PPP3CA: variants seen among roughly 807,000 people sequenced by gnomAD.
The protein encoded by PPP3CA is protein phosphatase 3 catalytic subunit alpha, also known as CAM-PRP catalytic subunit.
PPP3CA carries 14 observed loss-of-function variants against 66.5 expected under a neutral mutation model. The observed-to-expected ratio is 0.21, with a 90% CI of 0.14 to 0.33. The LOEUF is 0.33. Among genes scored for constraint, PPP3CA ranks in the 10% least tolerant of loss-of-function variants. PPP3CA has a pLI of 1.00. For missense variants in PPP3CA, 317 were observed against 639.5 expected, an observed-to-expected ratio of 0.50 and a Z score of 5.44; for synonymous variants, 232 against 226.2, an observed-to-expected ratio of 1.03 and a Z score of -0.23.
Position 101,024,063 on chromosome 4 carries a change from C to G in PPP3CA, c.*1802G>C, listed in dbSNP as rs960875034. 6.6e-6 allele frequency: 1 copy of G among 152,210 alleles called. No individual in the cohort carries two copies. Among genetic ancestry groups the G allele is most frequent in the Admixed American group, 6.5e-5 (1 of 15,282 alleles). The allele number at this position is 152,210 out of a possible 1,614,324, so 9.4% of individuals were successfully genotyped here. ...TTATTTTTCAATAAAAAGGAATGCT[C>G]TGGTTTTTTAACTGGCTCCTTGAGG... On this transcript the variant is annotated 3_prime_UTR_variant, in exon 14 of 14. Transcript: ENST00000394854.
At chr4:101,026,452 C>G (rs1726655122) in intron 13 of PPP3CA, among the ~76,000 whole-genome samples, 1 of 152,206 alleles carries the variant, frequency 6.6e-6, no homozygotes, top group Non-Finnish European at 1.5e-5. Context: ...AGACAGGCTG[C>G]AGCATGTCCC....
intron 2 of PPP3CA, among the ~76,000 whole-genome samples, chr4:101,120,317 A>G (rs1042507660): frequency 1.3e-5 from 2 of 152,124 alleles, no homozygotes; most frequent in Non-Finnish European, 2.9e-5. Context: ...CTGGGATAAT[A>G]ACAAAAATAA....
chr4:101,182,964 T>C (rs533413964), intron 2 of PPP3CA, among the ~76,000 whole-genome samples: 2 of 152,308 alleles, frequency 1.3e-5, no homozygotes, highest in East Asian at 3.9e-4. Context: ...TTCCCATCCA[T>C]GTGGAACTGT....
chr4:101,160,962 AC>A (rs1466934103), intron 2 of PPP3CA, among the ~76,000 whole-genome samples: 3 of 152,156 alleles, frequency 2.0e-5, no homozygotes, highest in African/African-American at 7.2e-5. Context: ...ACAAAGAAAT[AC>A]AGTCACGTAC....
rs76145458 is a variant in PPP3CA at position 101,245,381 on chromosome 4, A to T, written c.59-49265T>A. ...TCTGATTTCTCATCTTTTTATCCCGAAGAGTACAAACAAGAATTGAATTCA... is the reference window on the plus strand; with the variant it reads ...TCTGATTTCTCATCTTTTTATCCCGTAGAGTACAAACAAGAATTGAATTCA... On this transcript the variant is annotated intron_variant, in intron 1 of 13. Coordinates refer to ENST00000394854, the MANE Select transcript of PPP3CA (RefSeq NM_000944.5). Among the ~76,000 whole-genome samples, 1,110 of 152,302 alleles carry T rather than the reference A, an allele frequency of 7.3e-3. 11 individuals carry two copies. The highest frequency in any genetic ancestry group is 0.026 in the African/African-American group (1,062 of 41,564).
chr4:101,101,309 C>G (rs1376079756), intron 3 of PPP3CA, among the ~76,000 whole-genome samples: 1 of 152,076 alleles, frequency 6.6e-6, no homozygotes, highest in Non-Finnish European at 1.5e-5. Flanking sequence ...GGTTTTATAG[C>G]TGTACTTACA....
chr4:101,308,633 A>C (rs992626202), intron 1 of PPP3CA, among the ~76,000 whole-genome samples: 1 of 152,078 alleles, frequency 6.6e-6, no homozygotes, highest in Admixed American at 6.6e-5. Context: ...TTTTGCAGAG[A>C]CAGGGTCTTG....
chr4:101,097,407 T>C (rs1272880723), intron 5 of PPP3CA, among the ~76,000 whole-genome samples: 1 of 152,018 alleles, frequency 6.6e-6, no homozygotes, highest in Non-Finnish European at 1.5e-5. Context: ...TTATAATTCC[T>C]CCAGAAAAAA....
intron 3 of PPP3CA, among the ~76,000 whole-genome samples, chr4:101,104,609 T>TATG (rs1730579772): frequency 2.0e-5 from 3 of 152,186 alleles, no homozygotes; most frequent in Admixed American, 2.0e-4. Context: ...AAGGAACGTA[T>TATG]TTACATGTTC....
At chr4:101,092,587 G>A (rs1730003216) in intron 6 of PPP3CA, among the ~76,000 whole-genome samples, 1 of 151,506 alleles carries the variant, frequency 6.6e-6, no homozygotes, top group African/African-American at 2.4e-5. Flanking sequence ...CCTTCCCCTA[G>A]CCCCCCACCC....
At chr4:101,092,023 G>A (rs559913198) in intron 6 of PPP3CA, among the ~76,000 whole-genome samples, 42 of 152,022 alleles carry the variant, frequency 2.8e-4, no homozygotes, top group African/African-American at 8.9e-4. Flanking sequence ...GTGAAACTGA[G>A]GAAGATCACA....
At chr4:101,222,357 T>C (rs1195487796) in intron 1 of PPP3CA, among the ~76,000 whole-genome samples, 3 of 151,622 alleles carry the variant, frequency 2.0e-5, no homozygotes, top group Non-Finnish European at 3.0e-5. Flanking sequence ...TTTGTAAAAC[T>C]TTCCACCCTC....
At chr4:101,249,327 TTTTTA>T (rs1381849772) in intron 1 of PPP3CA, among the ~76,000 whole-genome samples, 1 of 152,170 alleles carries the variant, frequency 6.6e-6, no homozygotes. Flanking sequence ...TAGCTATAAA[TTTTTA>T]TTTTATGTCA....
chr4:101,338,539 C>T (rs972998593), intron 1 of PPP3CA, among the ~76,000 whole-genome samples: 9 of 152,242 alleles, frequency 5.9e-5, no homozygotes, highest in Non-Finnish European at 1.2e-4. Context: ...GTAGATAGAA[C>T]TTCTGTCTCT....
At chr4:101,271,030 C>T (rs939188245) in intron 1 of PPP3CA, among the ~76,000 whole-genome samples, 2 of 152,050 alleles carry the variant, frequency 1.3e-5, no homozygotes, top group Non-Finnish European at 2.9e-5. Context: ...AGCAATCCTC[C>T]CACCTCAGCC....
At chr4:101,036,987 T>C (rs532036774) in intron 11 of PPP3CA, among the ~76,000 whole-genome samples, 1 of 151,582 alleles carries the variant, frequency 6.6e-6, no homozygotes, top group African/African-American at 2.4e-5. Flanking sequence ...GGAAATCTAT[T>C]CTGGCTAATT....
At chr4:101,081,137 A>T (rs1181541980) in intron 7 of PPP3CA, among the ~76,000 whole-genome samples, 3 of 152,106 alleles carry the variant, frequency 2.0e-5, no homozygotes, top group Non-Finnish European at 2.9e-5. Context: ...TGTCCCCTTA[A>T]ATTTATGAAT....
intron 1 of PPP3CA, among the ~76,000 whole-genome samples, chr4:101,322,074 G>A (rs750426271): frequency 1.1e-4 from 16 of 152,100 alleles, no homozygotes; most frequent in Non-Finnish European, 2.4e-4. Flanking sequence ...AGGCTTTCTG[G>A]TTAAATGTTA....
At chr4:101,237,875 G>A (rs1023954353) in intron 1 of PPP3CA, among the ~76,000 whole-genome samples, 7 of 152,006 alleles carry the variant, frequency 4.6e-5, no homozygotes, top group Admixed American at 3.3e-4. Flanking sequence ...GCCACTCAGG[G>A]TTGCACTATT....
Sources: allele counts gnomAD v4.1 joint callset (sites outside exome capture counted in the v4.1 genomes callset), GRCh38; gene constraint gnomAD v4.1.1; transcripts MANE v1.5; gene names NCBI Gene and HGNC (gene_info 2026-07-23, HGNC 2026-07-21).